Variants in IQSEC3 observed in about 807,000 individuals in gnomAD.
IQSEC3 encodes the protein IQ motif and Sec7 domain ArfGEF 3.
A neutral mutation model predicts 105.4 loss-of-function variants in IQSEC3; 50 were observed. The ratio of observed to expected loss-of-function variants is 0.47; its 90% CI spans 0.38 to 0.60. The LOEUF (loss-of-function observed/expected upper bound fraction) is 0.60, where lower values mean the gene tolerates loss of function less well. Among genes scored for constraint, IQSEC3 ranks in the 20% least tolerant of loss-of-function variants. The probability of loss-of-function intolerance (pLI) is 0.00; values close to 1 mark genes in which losing one functional copy is unlikely to be tolerated. For synonymous variants in IQSEC3, 708 were observed against 746.0 expected (o/e 0.95, Z 0.83); for missense variants, 1,415 against 1,630.0 (o/e 0.87, Z 2.27).
At chr12:118,575 C>T (rs1865121803) in intron 2 of IQSEC3, among the ~76,000 whole-genome samples, 1 of 152,144 alleles carries the variant, frequency 6.6e-6, no homozygotes, top group East Asian at 1.9e-4. Flanking sequence ...CCAAGGAGTC[C>T]ATCAGCCTTC....
intron 1 of IQSEC3, among the ~76,000 whole-genome samples, chr12:79,076 C>T (rs1863657085): frequency 1.3e-5 from 2 of 152,222 alleles, no homozygotes; most frequent in Non-Finnish European, 1.5e-5. Flanking sequence ...GGAGAACATA[C>T]CTGATCCTGG....
chr12:113,221 G>A (rs1258157519), intron 2 of IQSEC3, among the ~76,000 whole-genome samples: 2 of 152,208 alleles, frequency 1.3e-5, no homozygotes, highest in African/African-American at 4.8e-5. Context: ...CATCGATACT[G>A]CATTTTCCGA....
At position 93,334 on chromosome 12, in the gene IQSEC3, C is replaced by T. The variant is rs1378993006; in HGVS notation, c.555-5812C>T. Among the ~76,000 whole-genome samples, 6 of 152,162 alleles carry T rather than the reference C, an allele frequency of 3.9e-5. No individual in the cohort carries two copies. In the East Asian group the frequency reaches 1.2e-3, roughly 29 times the overall value. Reference sequence around the variant, plus strand: ...CAGAAGCAGGTTGTGCCCATGGTCCCCTGCCTCCCAGGTGGACAGATTCTG... The same window carrying T: ...CAGAAGCAGGTTGTGCCCATGGTCCTCTGCCTCCCAGGTGGACAGATTCTG... On this transcript the variant is annotated intron_variant, in intron 1 of 13. Coordinates refer to ENST00000538872, the MANE Select transcript of IQSEC3 (RefSeq NM_001170738.2).
chr12:120,009 T>TATCCATCC (rs782185668), intron 2 of IQSEC3, among the ~76,000 whole-genome samples: 1 of 152,222 alleles, frequency 6.6e-6, no homozygotes, highest in Non-Finnish European at 1.5e-5. Flanking sequence ...AATATCTACC[T>TATCCATCC]ATCCATCCAT....
In IQSEC3 at chr12:139,272, C is replaced by A. The variant is rs781805292; in HGVS notation, c.1909C>A (p.Pro637Thr). The change falls in exon 4 of 14, where the codon CCA becomes ACA. Residue 637 changes from proline to threonine, a missense_variant. Pro to Thr is a conservative substitution (Grantham distance 38). Around this residue, in one of 6 missense-constraint regions of IQSEC3, gnomAD observed 213 missense variants for 306.2 expected, o/e 0.70. Transcript: ENST00000538872. ...CCTGCCGCGCTACCACTGCGAGAAC[C>A]CAGCCAGCTGCAAGTCGCCCACGCT... ...LSLPRYHCEN[P>T]ASCKSPTLST... is the part of the protein sequence containing the mutation. 2.5e-6 allele frequency: 4 copies of A among 1,610,202 alleles called. No individual in the cohort carries two copies. Among genetic ancestry groups the A allele is most frequent in the African/African-American group, 2.7e-5 (2 of 74,742 alleles).
chr12:157,441 T>C, intron 6 of IQSEC3, 87 bp from the exon 7 acceptor site: 1 of 1,192,748 alleles, frequency 8.4e-7, no homozygotes, highest in Non-Finnish European at 1.1e-6. Context: ...AGAGCTGGGA[T>C]ACCCCCTGGA....
chr12:162,809 T>G (rs1375817582), intron 8 of IQSEC3, among the ~76,000 whole-genome samples: 1 of 152,170 alleles, frequency 6.6e-6, no homozygotes, highest in Non-Finnish European at 1.5e-5. Context: ...CCCTTCGCTC[T>G]CGCACACCTG....
rs1207760710 is a variant in IQSEC3, at chr12:118,618, T to C, written c.624-7015T>C. Among the ~76,000 whole-genome samples, 4 of 150,852 alleles carry C rather than the reference T, an allele frequency of 2.7e-5. No individual in the cohort carries two copies. In the East Asian group the frequency reaches 5.8e-4, roughly 22 times the overall value. On this transcript the variant is annotated intron_variant, in intron 2 of 13. Coordinates refer to ENST00000538872, the MANE Select transcript of IQSEC3 (RefSeq NM_001170738.2). ...TCCTGGTAGAGTCTCTAGTAATTAC[T>C]GTGCTAGCCATTGCCGAGATAGGAG... is the stretch of plus-strand genomic sequence containing the variant.
chr12:142,822 C>G (rs1866086998), intron 5 of IQSEC3, among the ~76,000 whole-genome samples: 1 of 152,198 alleles, frequency 6.6e-6, no homozygotes, highest in Non-Finnish European at 1.5e-5. Context: ...TTTTCTGTGT[C>G]CCCTAGTTGG....
chr12:71,955 A>G (rs1236101012), intron 1 of IQSEC3, among the ~76,000 whole-genome samples: 1 of 152,280 alleles, frequency 6.6e-6, no homozygotes, highest in Non-Finnish European at 1.5e-5. Flanking sequence ...CCACTTGCAA[A>G]GATTTGCTGC....
chr12:78,007 C>T (rs1194614196), intron 1 of IQSEC3, among the ~76,000 whole-genome samples: 7 of 151,454 alleles, frequency 4.6e-5, no homozygotes, highest in African/African-American at 1.7e-4. Context: ...CGAGGACCTG[C>T]ACCCCGGCGC....
chr12:139,174 C>A lies in IQSEC3; in HGVS notation c.1811C>A (p.Thr604Asn). 1 of 1,581,868 alleles carries A rather than the reference C, an allele frequency of 6.3e-7. No individual in the cohort carries two copies. Among genetic ancestry groups the A allele is most frequent in the Non-Finnish European group, 8.6e-7 (1 of 1,165,914 alleles). ...CAGCTGAGCAGCAGCAGCACGTCCACCAAGTCCGCCAAGTCAGGCTCGGAG... is the reference window on the plus strand; with the variant it reads ...CAGCTGAGCAGCAGCAGCACGTCCAACAAGTCCGCCAAGTCAGGCTCGGAG... ...LEQLSSSSTS[T>N]KSAKSGSEAS... The change falls in exon 4 of 14, where the codon ACC becomes AAC. Residue 604 changes from threonine (T) to asparagine (N), a missense_variant. Physicochemically the swap from Thr to Asn is moderately conservative, Grantham distance 65. This residue lies in a region of IQSEC3 where 720 missense variants were observed against 633.0 expected (regional missense o/e 1.14). Transcript: ENST00000538872.
chr12:79,459 G>A (rs1358369450), intron 1 of IQSEC3, among the ~76,000 whole-genome samples: 1 of 152,014 alleles, frequency 6.6e-6, no homozygotes, highest in Non-Finnish European at 1.5e-5. Context: ...TTAAGAGATG[G>A]TGACTCTGTC....
At chr12:147,839 G>A (rs1242045714) in intron 5 of IQSEC3, 3 of 152,186 alleles carry the variant, frequency 2.0e-5, no homozygotes, top group Non-Finnish European at 4.4e-5. Flanking sequence ...GTCTCAAGAG[G>A]TCTGAGCCAG....
chr12:174,608 C>T lies in IQSEC3; in HGVS notation c.3124C>T (p.His1042Tyr). The stretch of plus-strand genomic sequence containing the variant: ...GCTGTTTCTAAACTAGGTGTCAATT[C>T]ACAACAGGCTTCAAACGTCCCAGCA... ...PAESTVEVSI[H>Y]NRLQTSQHNS... The change falls in exon 14 of 14, where the codon CAC becomes TAC. Residue 1042 changes from histidine to tyrosine, a missense_variant. By Grantham distance (83) the His-to-Tyr change is moderately conservative. This residue lies in a region of IQSEC3 where 419 missense variants were observed against 436.2 expected (regional missense o/e 0.96). Coordinates refer to ENST00000538872, the MANE Select transcript of IQSEC3 (RefSeq NM_001170738.2). The T allele has an allele frequency of 6.5e-7, 1 of 1,538,946 alleles. No individual in the cohort carries two copies. The highest frequency in any genetic ancestry group is 8.7e-7 in the Non-Finnish European group (1 of 1,149,662).
intron 1 of IQSEC3, among the ~76,000 whole-genome samples, chr12:73,175 C>T (rs6122301): frequency 1.3e-5 from 2 of 148,724 alleles, no homozygotes; most frequent in Non-Finnish European, 3.0e-5. Context: ...CACTGGATCA[C>T]ACAGTGTTCA....
intron 7 of IQSEC3, among the ~76,000 whole-genome samples, chr12:160,604 A>AC: frequency 6.6e-6 from 1 of 151,960 alleles, no homozygotes; most frequent in South Asian, 2.1e-4. Flanking sequence ...CAGAGAATGG[A>AC]CCCCCAGTCT....
At chr12:104,555 A>AT (rs1555077353) in intron 2 of IQSEC3, among the ~76,000 whole-genome samples, 2 of 135,014 alleles carry the variant, frequency 1.5e-5, no homozygotes, top group African/African-American at 2.5e-5. Flanking sequence ...TCCCACGCCC[A>AT]TTTTAAAAAA....
chr12:116,521 G>A (rs1865054764), intron 2 of IQSEC3, among the ~76,000 whole-genome samples: 1 of 152,246 alleles, frequency 6.6e-6, no homozygotes, highest in Non-Finnish European at 1.5e-5. Flanking sequence ...ACAAAGGGCT[G>A]GGGTGTAGAG....
Sources: gnomAD v4.1 joint callset for allele counts (sites outside exome capture counted in the v4.1 genomes callset) on GRCh38, gnomAD v4.1.1 for gene constraint, gnomAD v4.1.1 regional missense constraint, MANE v1.5 for transcripts, NCBI Gene and HGNC (gene_info 2026-07-23, HGNC 2026-07-21) for gene names.